Variants in CLTC observed in about 807,000 individuals in gnomAD.
CLTC encodes clathrin heavy chain, also known as clathrin heavy chain 1.
In CLTC, 16 loss-of-function variants were observed where a neutral mutation model predicts 195.8. The ratio of observed to expected loss-of-function variants is 0.08; its 90% CI spans 0.06 to 0.12. The LOEUF (loss-of-function observed/expected upper bound fraction) is 0.12, where lower values mean the gene tolerates loss of function less well. CLTC is among the 10% of genes least tolerant of loss of function. CLTC has a pLI of 1.00. For synonymous variants in CLTC, 667 were observed against 689.4 expected (o/e 0.97, Z 0.51); for missense variants, 796 against 2,027.0 (o/e 0.39, Z 11.66).
chr17:59,649,439 A>G (rs1379342258), intron 4 of CLTC, among the ~76,000 whole-genome samples: 1 of 152,186 alleles, frequency 6.6e-6, no homozygotes, highest in Non-Finnish European at 1.5e-5. Flanking sequence ...AGATGCCCAC[A>G]TCTTATGTCT....
Position 59,681,206 on chromosome 17 carries a change from C to T in CLTC, c.3066-89C>T. 2.7e-6 allele frequency: 4 copies of T among 1,471,812 alleles called. No individual in the cohort carries two copies. The highest frequency in any genetic ancestry group is 3.7e-6 in the Non-Finnish European group (4 of 1,085,156). The allele number at this position is 1,471,812 out of a possible 1,614,324, so 91.2% of individuals were successfully genotyped here. A position where few individuals can be genotyped will look rare whatever the true frequency, so the allele number is the denominator to read the frequency against. ...CTCCCCCCTACCCTACCTCTTGAGA[C>T]AAAAACCTCTCCGTTAGTCACAGTG... On this transcript the variant is annotated intron_variant, in intron 19 of 31. Transcript: ENST00000269122. The surrounding 1 kb of genome is among the most constrained non-coding windows in gnomAD (Gnocchi z 5.0).
intron 4 of CLTC, 21 bp from the exon 5 acceptor site, chr17:59,651,182 T>G: frequency 6.7e-7 from 1 of 1,482,288 alleles, no homozygotes; most frequent in Non-Finnish European, 9.4e-7. Context: ...TTTATATACA[T>G]TTTGATTTTC....
chr17:59,656,743 A>C (rs1451524352), intron 6 of CLTC, among the ~76,000 whole-genome samples: 1 of 139,990 alleles, frequency 7.1e-6, no homozygotes, highest in African/African-American at 2.7e-5. Flanking sequence ...GCATGATCTC[A>C]GCTCACTACA....
rs1347364344 is a variant in CLTC at position 59,647,515 on chromosome 17, C to T, written c.368C>T (p.Thr123Met). The T allele has an allele frequency of 3.7e-6, 6 of 1,613,942 alleles. No homozygotes were observed. The highest frequency in any genetic ancestry group is 1.7e-5 in the Admixed American group (1 of 59,994). Residue 123 changes from threonine to methionine, a missense_variant, in exon 3 of 32, where the codon ACG becomes ATG. Physicochemically the swap from Thr to Met is moderately conservative, Grantham distance 81. Transcript: ENST00000269122. ...TCTTTGAATACGGTTGCTCTTGTTACGGATAATGCAGTTTATCACTGGAGT... is the reference window on the plus strand; with the variant it reads ...TCTTTGAATACGGTTGCTCTTGTTATGGATAATGCAGTTTATCACTGGAGT... Reference protein sequence around the residue: ...WISLNTVALVTDNAVYHWSME... With the variant: ...WISLNTVALVMDNAVYHWSME...
At chr17:59,651,711 C>G (rs1404858961) in intron 5 of CLTC, among the ~76,000 whole-genome samples, 2 of 152,166 alleles carry the variant, frequency 1.3e-5, no homozygotes, top group African/African-American at 4.8e-5. Flanking sequence ...ATTATTTGAG[C>G]CTTTAGTGAG....
In CLTC at chr17:59,648,520, T is replaced by G; in HGVS notation, c.681+119T>G. ...TCCTAAGTAATTTTAGTATTCACAT[T>G]TGTGGTGACTTAATTTGTTCAAATT... On this transcript the variant is annotated intron_variant, in intron 4 of 31. Coordinates refer to ENST00000269122, the MANE Select transcript of CLTC (RefSeq NM_004859.4). The surrounding 1 kb of genome is among the most constrained non-coding windows in gnomAD (Gnocchi z 4.5). 1 of 963,400 alleles carries G rather than the reference T, an allele frequency of 1.0e-6. No homozygotes were observed. Among genetic ancestry groups the G allele is most frequent in the Non-Finnish European group, 1.6e-6 (1 of 642,138 alleles). 59.7% of individuals were successfully genotyped at this position (963,400 alleles called of 1,614,324 possible).
chr17:59,679,152 G>C (rs973305168), intron 17 of CLTC, among the ~76,000 whole-genome samples: 2 of 152,002 alleles, frequency 1.3e-5, no homozygotes, highest in Non-Finnish European at 2.9e-5. Flanking sequence ...AAACACACAA[G>C]AACAGCTAGT....
chr17:59,691,483 G>A (rs1281172451), intron 31 of CLTC, among the ~76,000 whole-genome samples: 1 of 151,936 alleles, frequency 6.6e-6, no homozygotes, highest in African/African-American at 2.4e-5. Context: ...GATTAGCCGG[G>A]CGTGGTGGCA....
intron 13 of CLTC, among the ~76,000 whole-genome samples, chr17:59,667,649 C>T (rs530532373): frequency 1.3e-5 from 2 of 152,294 alleles, no homozygotes; most frequent in South Asian, 2.1e-4. Context: ...TGTTCCTGTA[C>T]ATGTAGAATA....
At chr17:59,620,294 G>A (rs2031327327) in intron 1 of CLTC, 121 bp downstream of exon 1, 1 of 927,232 alleles carries the variant, frequency 1.1e-6, no homozygotes, top group Admixed American at 1.9e-5. Context: ...CGGTGATTGG[G>A]GTAGGTGGAG....
rs749777969 is a variant in CLTC, at chr17:59,642,544, G to A, written c.43-1732G>A. Among the ~76,000 whole-genome samples, 12 of 152,300 alleles carry A rather than the reference G, an allele frequency of 7.9e-5. 1 individual carries two copies. In the South Asian group the frequency reaches 1.0e-3, roughly 13 times the overall value. ...GATAATTATCAATTAAACTTAAGGAGTCTAAGGACCCTCTACTCAGAAAAA... is the reference window on the plus strand; with the variant it reads ...GATAATTATCAATTAAACTTAAGGAATCTAAGGACCCTCTACTCAGAAAAA... On this transcript the variant is annotated intron_variant, in intron 1 of 31. Transcript: ENST00000269122.
In CLTC at chr17:59,695,755, C is replaced by T. The variant is rs78760125; in HGVS notation, c.*1903C>T. On this transcript the variant is annotated 3_prime_UTR_variant, in exon 32 of 32. Coordinates refer to ENST00000269122, the MANE Select transcript of CLTC (RefSeq NM_004859.4). ...AGGTCAGTGAAGAATACAATGGTGC[C>T]CCTGCTTTGATTTGTGGGAGGTGCC... is the stretch of plus-strand genomic sequence containing the variant. 452 of 193,618 alleles carry T rather than the reference C, an allele frequency of 2.3e-3. 3 individuals carry two copies. Among genetic ancestry groups the T allele is most frequent in the Non-Finnish European group, 4.2e-3 (394 of 92,884 alleles). The allele number at this position is 193,618 out of a possible 1,614,324, so 12.0% of individuals were successfully genotyped here. A position where few individuals can be genotyped will look rare whatever the true frequency, so the allele number is the denominator to read the frequency against.
chr17:59,683,031 T>C lies in CLTC; in HGVS notation c.3873+17T>C. ...TACTATCAGGTATTAACGAGACTTT[T>C]ATATGACCTGAGATCTTTTACCATA... On this transcript the variant is annotated intron_variant, in intron 24 of 31. Transcript: ENST00000269122. This position sits in a 1 kb window ranked among gnomAD's most constrained non-coding sequence, Gnocchi z 6.1. 6.2e-7 allele frequency: 1 copy of C among 1,613,744 alleles called. No individual in the cohort carries two copies. Among genetic ancestry groups the C allele is most frequent in the African/African-American group, 1.3e-5 (1 of 75,050 alleles).
chr17:59,624,289 T>C (rs1181778719), intron 1 of CLTC, among the ~76,000 whole-genome samples: 4 of 152,108 alleles, frequency 2.6e-5, no homozygotes, highest in Non-Finnish European at 4.4e-5. Context: ...AAAGAAGTTA[T>C]ACAGTATCCT....
Position 59,648,458 on chromosome 17 carries a change from T to C in CLTC, c.681+57T>C, listed in dbSNP as rs1407969459. 6.9e-7 allele frequency: 1 copy of C among 1,452,444 alleles called. No individual in the cohort carries two copies. The highest frequency in any genetic ancestry group is 1.3e-5 in the South Asian group (1 of 75,944). The allele number at this position is 1,452,444 out of a possible 1,614,324, so 90.0% of individuals were successfully genotyped here. ...AGAACTTGTATTTGGCTTTCTGCTA[T>C]GAATTAGTCATCTAATTTCAAAATA... On this transcript the variant is annotated intron_variant, in intron 4 of 31. Transcript: ENST00000269122. The surrounding 1 kb of genome is among the most constrained non-coding windows in gnomAD (Gnocchi z 4.5).
intron 6 of CLTC, among the ~76,000 whole-genome samples, chr17:59,659,429 ATTTTTAT>A (rs201464502): frequency 0.014 from 2,097 of 147,746 alleles, 42 homozygotes; most frequent in African/African-American, 0.048. Context: ...TTATTATTTT[ATTTTTAT>A]TTTTTATTTT....
intron 1 of CLTC, among the ~76,000 whole-genome samples, chr17:59,630,285 A>C (rs998647768): frequency 1.3e-5 from 2 of 152,240 alleles, no homozygotes; most frequent in African/African-American, 4.8e-5. Flanking sequence ...TACAGGCAGG[A>C]GCCACTGTGC....
At chr17:59,651,541 C>T (rs1230297112) in intron 5 of CLTC, among the ~76,000 whole-genome samples, 1 of 152,166 alleles carries the variant, frequency 6.6e-6, no homozygotes, top group Non-Finnish European at 1.5e-5. Context: ...GTAAATACCA[C>T]AACAAAGTGA....
chr17:59,638,771 T>TA (rs1335713635), intron 1 of CLTC, among the ~76,000 whole-genome samples: 1 of 152,180 alleles, frequency 6.6e-6, no homozygotes, highest in African/African-American at 2.4e-5. Flanking sequence ...CTCACCTTCT[T>TA]CTGTGTGGCC....
Sources: allele counts gnomAD v4.1 joint callset (sites outside exome capture counted in the v4.1 genomes callset), GRCh38; gene constraint gnomAD v4.1.1; non-coding constraint Gnocchi (gnomAD v3.1); transcripts MANE v1.5; gene names NCBI Gene and HGNC (gene_info 2026-07-23, HGNC 2026-07-21).